DEGS2: variants seen among roughly 807,000 people sequenced by gnomAD.
The protein encoded by DEGS2 is sphingolipid delta(4)-desaturase/C4-monooxygenase DES2.
A neutral mutation model predicts 23.8 loss-of-function variants in DEGS2; 19 were observed. The ratio of observed to expected loss-of-function variants is 0.80; its 90% CI spans 0.56 to 1.17. DEGS2 has a LOEUF of 1.17. DEGS2 is among the 50% of genes most tolerant of loss of function. The pLI is 0.00. For missense variants in DEGS2, 390 were observed against 459.5 expected (o/e 0.85, Z 1.38); for synonymous variants, 218 against 213.7 (o/e 1.02, Z -0.18).
the DEGS2 span, among the ~76,000 whole-genome samples, chr14:100,166,597 G>A: frequency 6.6e-6 from 1 of 152,180 alleles, no homozygotes; most frequent in South Asian, 2.1e-4. Context: ...CCCTGAGCAC[G>A]AGCTTACCAG....
the DEGS2 span, among the ~76,000 whole-genome samples, chr14:100,166,098 G>A: frequency 2.7e-5 from 1 of 37,000 alleles, no homozygotes; most frequent in African/African-American, 1.0e-4. Context: ...CTGCCCGGGA[G>A]AGTGGGGGTA....
chr14:100,158,517 G>A (rs1243284033), intron 1 of DEGS2, among the ~76,000 whole-genome samples: 3 of 152,146 alleles, frequency 2.0e-5, no homozygotes, highest in African/African-American at 7.2e-5. Context: ...AGCCGAGATC[G>A]CGAGACTCTG....
upstream of DEGS2, among the ~76,000 whole-genome samples, chr14:100,163,587 C>T (rs1889774288): frequency 6.6e-6 from 1 of 152,232 alleles, no homozygotes; most frequent in Admixed American, 6.5e-5. Flanking sequence ...AGAGGCAACA[C>T]TGGTCCCTAC....
the DEGS2 span, among the ~76,000 whole-genome samples, chr14:100,166,033 G>C: frequency 5.2e-5 from 2 of 38,436 alleles, no homozygotes; most frequent in Admixed American, 2.2e-4. Flanking sequence ...CTGGGGGAGT[G>C]GGGGGAGCCT....
chr14:100,147,438 G>A (rs1043901212), intron 2 of DEGS2, among the ~76,000 whole-genome samples: 7 of 152,120 alleles, frequency 4.6e-5, no homozygotes, highest in South Asian at 2.1e-4. Context: ...CCTGTGATCC[G>A]CCAACCTTGG....
upstream of DEGS2, among the ~76,000 whole-genome samples, chr14:100,160,534 C>G (rs1889734246): frequency 6.6e-6 from 1 of 152,220 alleles, no homozygotes; most frequent in African/African-American, 2.4e-5. Flanking sequence ...CATCTTCACC[C>G]TCTCAGTGAT....
the DEGS2 span, among the ~76,000 whole-genome samples, chr14:100,165,634 C>T: frequency 6.6e-6 from 1 of 152,270 alleles, no homozygotes; most frequent in South Asian, 2.1e-4. Flanking sequence ...CTGCTGTGGA[C>T]GCCTCTCCGC....
upstream of DEGS2, chr14:100,159,648 C>A: frequency 5.2e-6 from 4 of 766,812 alleles, no homozygotes; most frequent in Non-Finnish European, 6.9e-6. Flanking sequence ...CCTGTCGCGG[C>A]GGCCGCGGCG....
chr14:100,151,668 G>T (rs1383830755), intron 1 of DEGS2, among the ~76,000 whole-genome samples: 6 of 152,204 alleles, frequency 3.9e-5, no homozygotes. Flanking sequence ...GCAGCTGCTG[G>T]AGCTTTGCAC....
the DEGS2 span, among the ~76,000 whole-genome samples, chr14:100,166,376 G>T: frequency 6.9e-6 from 1 of 145,540 alleles, no homozygotes; most frequent in East Asian, 2.0e-4. Context: ...CCGGGGCTGT[G>T]GGGGAGGCTG....
intron 2 of DEGS2, among the ~76,000 whole-genome samples, chr14:100,148,036 C>A (rs535514558): frequency 2.0e-5 from 3 of 152,164 alleles, no homozygotes; most frequent in Non-Finnish European, 4.4e-5. Context: ...TACTGCCAGC[C>A]GGAATGGAGG....
At chr14:100,152,065 C>T (rs1216138707) in intron 1 of DEGS2, among the ~76,000 whole-genome samples, 1 of 152,058 alleles carries the variant, frequency 6.6e-6, no homozygotes, top group Non-Finnish European at 1.5e-5. Flanking sequence ...TGCCAGGGGT[C>T]ACAGAGGTTC....
In DEGS2 at chr14:100,159,617, G is replaced by T. The variant is rs1290208185; in HGVS notation, c.-30C>A. ...GGGCGGGAGGCGCCGTTCGGAGCGC[G>T]GCCGGCTCGGCTCTGCTGCACCTGT... On this transcript the variant is annotated 5_prime_UTR_variant, in exon 1 of 3. Coordinates refer to ENST00000305631, the MANE Select transcript of DEGS2 (RefSeq NM_206918.3). The T allele has an allele frequency of 2.1e-6, 3 of 1,463,272 alleles. No homozygotes were observed. The highest frequency in any genetic ancestry group is 2.3e-5 in the Admixed American group (1 of 42,994). The allele number at this position is 1,463,272 out of a possible 1,614,324, so 90.6% of individuals were successfully genotyped here.
In DEGS2 at chr14:100,154,286, AC is replaced by A. The variant is rs1174638858; in HGVS notation, c.83-4577del. Among the ~76,000 whole-genome samples the A allele has an allele frequency of 2.6e-5, 4 of 151,396 alleles. No homozygotes were observed. The East Asian group carries it at 7.8e-4, about 29-fold the overall frequency. On this transcript the variant is annotated intron_variant, in intron 1 of 2. Coordinates refer to ENST00000305631, the MANE Select transcript of DEGS2 (RefSeq NM_206918.3). ...AGGCTGAGGCAGGAGAATTGCTTGA[AC>A]CTGGGAGGCAGAGGTTGCAGTGAGC...
intron 1 of DEGS2, among the ~76,000 whole-genome samples, chr14:100,156,063 C>T (rs984927803): frequency 6.6e-6 from 1 of 152,216 alleles, no homozygotes; most frequent in Non-Finnish European, 1.5e-5. Context: ...TGGAGATGGA[C>T]TTTGGCCCCA....
Position 100,145,289 on chromosome 14 carries a change from G to A in DEGS2, c.*1472C>T, listed in dbSNP as rs983258821. On this transcript the variant is annotated 3_prime_UTR_variant, in exon 3 of 3. Transcript: ENST00000305631. ...CACAGCAGGAGGAGCGGGTGCTCTG[G>A]GTTCCCCTCAGCCTGTGGGCGGGCC... 17 of 152,224 alleles carry A rather than the reference G, an allele frequency of 1.1e-4. No homozygotes were observed. The highest frequency in any genetic ancestry group is 3.9e-4 in the African/African-American group (16 of 41,446). 9.4% of individuals were successfully genotyped at this position (152,224 alleles called of 1,614,324 possible).
intron 1 of DEGS2, among the ~76,000 whole-genome samples, chr14:100,150,686 G>A (rs970668311): frequency 6.6e-5 from 10 of 152,222 alleles, no homozygotes; most frequent in South Asian, 2.1e-4. Flanking sequence ...TACATGGTGC[G>A]CCCTCAGGGT....
At chr14:100,152,646 C>A (rs1195599393) in intron 1 of DEGS2, among the ~76,000 whole-genome samples, 1 of 152,174 alleles carries the variant, frequency 6.6e-6, no homozygotes, top group African/African-American at 2.4e-5. Context: ...AAAACTCCAG[C>A]CTTTGGACTC....
At chr14:100,150,353 G>A (rs1015498388) in intron 1 of DEGS2, among the ~76,000 whole-genome samples, 6 of 151,888 alleles carry the variant, frequency 4.0e-5, no homozygotes, top group Non-Finnish European at 7.4e-5. Flanking sequence ...TCCGCCTGGG[G>A]GCCGGCCAGC....
Sources: allele counts gnomAD v4.1 joint callset (sites outside exome capture counted in the v4.1 genomes callset), GRCh38; gene constraint gnomAD v4.1.1; transcripts MANE v1.5; gene names NCBI Gene and HGNC (gene_info 2026-07-23, HGNC 2026-07-21).